The following ACADS variants were observed in gnomAD, a reference collection of about 807,000 sequenced individuals.
The protein encoded by ACADS is short-chain specific acyl-CoA dehydrogenase, mitochondrial.
ACADS carries 28 observed loss-of-function variants against 46.8 expected under a neutral mutation model. That is an observed-to-expected ratio of 0.60 (90% CI 0.44 to 0.82). The LOEUF is 0.82. Ranked by LOEUF, ACADS falls within the 40% of genes least tolerant of loss-of-function variation. The pLI is 0.00. For missense variants in ACADS, 528 were observed against 578.0 expected (o/e 0.91, Z 0.89); for synonymous variants, 236 against 237.7 (o/e 0.99, Z 0.07).
chr12:120,737,235 C>T (rs1056821035), intron 3 of ACADS, 100 bp downstream of exon 3: 175 of 1,530,178 alleles, frequency 1.1e-4, no homozygotes, highest in Admixed American at 6.9e-4. Flanking sequence ...TCTCTGGAGA[C>T]GTCACAGGCC....
At position 120,737,839 on chromosome 12, in the gene ACADS, A is replaced by G. The variant is rs1883505884; in HGVS notation, c.475A>G (p.Asn159Asp). ...GAGCCCTGGGTCTGTGTGGGCAGGG[A>G]ACGGCAGTGATGCAGGAGCTGCGTC... ...IGCFALSEPG[N>D]GSDAGAASTT... is the part of the protein sequence containing the mutation. Residue 159 changes from asparagine (N) to aspartate (D), a missense_variant and splice_region_variant, in exon 5 of 10, where the codon AAC becomes GAC. Transcript: ENST00000242592. 6.2e-7 allele frequency: 1 copy of G among 1,613,722 alleles called. No individual in the cohort carries two copies. The highest frequency in any genetic ancestry group is 1.1e-5 in the South Asian group (1 of 91,046).
rs1006475613 is a variant in ACADS, at chr12:120,726,011, G to C, written c.46+80G>C. 1.3e-4 allele frequency: 183 copies of C among 1,388,866 alleles called. 2 individuals carry two copies. In the East Asian group the frequency reaches 4.4e-3, roughly 33 times the overall value. 86.0% of individuals were successfully genotyped at this position (1,388,866 alleles called of 1,614,324 possible). A position where few individuals can be genotyped will look rare whatever the true frequency, so the allele number is the denominator to read the frequency against. ...GGCGGAGGTCCTGGCGGCCGGCTCT[G>C]TCAGAGCCGCTGGCAGGCGGAGCCC... is the stretch of plus-strand genomic sequence containing the variant. On this transcript the variant is annotated intron_variant, in intron 1 of 9. Coordinates refer to ENST00000242592, the MANE Select transcript of ACADS (RefSeq NM_000017.4).
At chr12:120,734,332 C>T (rs866571205) in intron 2 of ACADS, among the ~76,000 whole-genome samples, 8 of 152,310 alleles carry the variant, frequency 5.3e-5, no homozygotes, top group Middle Eastern at 3.4e-3. Context: ...GCTTCTCTGC[C>T]CTCTGACTGC....
At position 120,739,160 on chromosome 12, in the gene ACADS, G is replaced by T. The variant is rs768748973; in HGVS notation, c.1050G>T (p.Leu350=). The T allele has an allele frequency of 2.5e-5, 41 of 1,612,946 alleles. No homozygotes were observed. The highest frequency in any genetic ancestry group is 2.0e-4 in the Admixed American group (12 of 60,010). Reference sequence around the variant, plus strand: ...TTTAGGAGGCAGCCATGGCCAAGCTGGCCGCCTCGGAGGCCGCGACCGCCA... The same window carrying T: ...TTTAGGAGGCAGCCATGGCCAAGCTTGCCGCCTCGGAGGCCGCGACCGCCA... The part of the protein sequence containing the change: ...PFIKEAAMAK[L]AASEAATAIS... Residue 350 remains leucine, a synonymous_variant, in exon 9 of 10, where the codon CTG becomes CTT. Transcript: ENST00000242592.
intron 1 of ACADS, among the ~76,000 whole-genome samples, chr12:120,726,264 C>T (rs1302974960): frequency 6.6e-6 from 1 of 152,016 alleles, no homozygotes; most frequent in Non-Finnish European, 1.5e-5. Context: ...ACCAGACCCG[C>T]ATCTGTGACC....
At chr12:120,727,756 A>G (rs1028668679) in intron 2 of ACADS, among the ~76,000 whole-genome samples, 1 of 152,062 alleles carries the variant, frequency 6.6e-6, no homozygotes, top group Non-Finnish European at 1.5e-5. Flanking sequence ...GGCTGGTCTC[A>G]AACTCCTGAA....
At chr12:120,732,535 TCCCAGACGGGG>T (rs1883285060) in intron 2 of ACADS, among the ~76,000 whole-genome samples, 1 of 148,212 alleles carries the variant, frequency 6.7e-6, no homozygotes, top group Admixed American at 6.7e-5. Context: ...ACTCCTCACC[TCCCAGACGGGG>T]TGGCGGTCGG....
chr12:120,739,078 G>A, intron 8 of ACADS, 62 bp from the exon 9 acceptor site: 1 of 1,604,610 alleles, frequency 6.2e-7, no homozygotes, highest in Non-Finnish European at 8.5e-7. Context: ...CTGAGGGAGT[G>A]GGGGAGCAGG....
chr12:120,727,843 G>A (rs1249580264), intron 2 of ACADS, among the ~76,000 whole-genome samples: 2 of 151,896 alleles, frequency 1.3e-5, no homozygotes, highest in Non-Finnish European at 2.9e-5. Flanking sequence ...GCCAAAGGTA[G>A]TATTATTATA....
chr12:120,734,645 C>T (rs749226223), intron 2 of ACADS, among the ~76,000 whole-genome samples: 4 of 151,874 alleles, frequency 2.6e-5, no homozygotes, highest in East Asian at 1.9e-4. Flanking sequence ...TGTGGTGGCT[C>T]GTGCCTCTAA....
chr12:120,737,635 C>T lies in ACADS; in HGVS notation c.472+168C>T, dbSNP rs1883499710. On this transcript the variant is annotated intron_variant, in intron 4 of 9. Coordinates refer to ENST00000242592, the MANE Select transcript of ACADS (RefSeq NM_000017.4). ...GCGGCGCTGGGAGGAAGATTGCCTT[C>T]GGGGTCCCCTGGTTTAAGACGCCAG... is the stretch of plus-strand genomic sequence containing the variant. The T allele has an allele frequency of 3.8e-6, 4 of 1,051,020 alleles. No individual in the cohort carries two copies. The South Asian group carries it at 4.2e-5, about 11-fold the overall frequency. The allele number at this position is 1,051,020 out of a possible 1,614,324, so 65.1% of individuals were successfully genotyped here.
intron 2 of ACADS, among the ~76,000 whole-genome samples, chr12:120,732,168 G>A (rs1239710613): frequency 6.6e-6 from 1 of 152,230 alleles, no homozygotes; most frequent in Admixed American, 6.5e-5. Flanking sequence ...CCCAGACGGG[G>A]TGGTGGCCGG....
At chr12:120,738,766 C>G in intron 7 of ACADS, 54 bp from the exon 8 acceptor site, 1 of 1,611,926 alleles carries the variant, frequency 6.2e-7, no homozygotes, top group Non-Finnish European at 8.5e-7. Flanking sequence ...CCCCTCCCTT[C>G]TGTCCCCTGG....
intron 2 of ACADS, among the ~76,000 whole-genome samples, chr12:120,733,375 C>T (rs1041997684): frequency 1.3e-5 from 2 of 152,140 alleles, no homozygotes; most frequent in African/African-American, 4.8e-5. Flanking sequence ...GCTGGGAATA[C>T]AAGCATGAGC....
chr12:120,735,845 C>A (rs1883418106), intron 2 of ACADS, among the ~76,000 whole-genome samples: 1 of 151,148 alleles, frequency 6.6e-6, no homozygotes, highest in Non-Finnish European at 1.5e-5. Flanking sequence ...TTGCAGTGAG[C>A]CGAGATCTGC....
In ACADS at chr12:120,727,203, C is replaced by T; in HGVS notation, c.210+14C>T. ...CCAGCGGCTCAGGTGAGAGTGCAAC[C>T]TCAGCAGCCCACGATAGTGGTCTGC... On this transcript the variant is annotated intron_variant, in intron 2 of 9. Transcript: ENST00000242592. The T allele has an allele frequency of 6.2e-7, 1 of 1,614,168 alleles. No individual in the cohort carries two copies. The highest frequency in any genetic ancestry group is 8.5e-7 in the Non-Finnish European group (1 of 1,180,024).
chr12:120,737,761 T>A, intron 4 of ACADS, 76 bp from the exon 5 acceptor site: 1 of 1,593,260 alleles, frequency 6.3e-7, no homozygotes, highest in Non-Finnish European at 8.6e-7. Flanking sequence ...CCAGCAGGGG[T>A]GTGGAGGGAG....
chr12:120,725,857 C>A lies in ACADS; in HGVS notation c.-29C>A. The A allele has an allele frequency of 1.3e-6, 2 of 1,535,728 alleles. No individual in the cohort carries two copies. The highest frequency in any genetic ancestry group is 1.2e-5 in the South Asian group (1 of 83,846). On this transcript the variant is annotated 5_prime_UTR_variant, in exon 1 of 10. Coordinates refer to ENST00000242592, the MANE Select transcript of ACADS (RefSeq NM_000017.4). ...GAACAGCGCGCTCGCAGCGGGAGGT[C>A]GCGAAGCCTGGGACTGTGTCTGTCG...
intron 1 of ACADS, 49 bp downstream of exon 1, chr12:120,725,980 C>A: frequency 6.7e-7 from 1 of 1,491,902 alleles, no homozygotes; most frequent in Non-Finnish European, 8.9e-7. Flanking sequence ...CGCGTCTGGC[C>A]CAGCGGGCGG....
Sources: gnomAD v4.1 joint callset for allele counts (sites outside exome capture counted in the v4.1 genomes callset) on GRCh38, gnomAD v4.1.1 for gene constraint, MANE v1.5 for transcripts, NCBI Gene and HGNC (gene_info 2026-07-23, HGNC 2026-07-21) for gene names.